The following WDR7 variants were observed in gnomAD, a reference collection of about 807,000 sequenced individuals.
WDR7 encodes the protein WD repeat-containing protein 7.
A neutral mutation model predicts 169.4 loss-of-function variants in WDR7; 46 were observed. The ratio of observed to expected loss-of-function variants is 0.27; its 90% CI spans 0.21 to 0.35. WDR7 has a LOEUF of 0.35. WDR7 is among the 10% of genes least tolerant of loss of function. The probability of loss-of-function intolerance (pLI) is 1.00; values close to 1 mark genes in which losing one functional copy is unlikely to be tolerated. For missense variants in WDR7, 1,534 were observed against 1,859.3 expected, an observed-to-expected ratio of 0.83 and a Z score of 3.22; for synonymous variants, 612 against 666.8, an observed-to-expected ratio of 0.92 and a Z score of 1.27.
At chr18:57,016,108 G>A (rs982257936) in intron 26 of WDR7, among the ~76,000 whole-genome samples, 2 of 152,074 alleles carry the variant, frequency 1.3e-5, no homozygotes, top group African/African-American at 2.4e-5. Flanking sequence ...GACGTATTTC[G>A]GCTCAGCAGA....
intron 19 of WDR7, among the ~76,000 whole-genome samples, chr18:56,785,005 T>G (rs2145088660): frequency 6.6e-6 from 1 of 152,312 alleles, no homozygotes; most frequent in East Asian, 1.9e-4. Flanking sequence ...TAATCTTTTC[T>G]GGAACTTCTA....
At chr18:56,859,088 T>A (rs1360723737) in intron 20 of WDR7, among the ~76,000 whole-genome samples, 1 of 152,154 alleles carries the variant, frequency 6.6e-6, no homozygotes, top group African/African-American at 2.4e-5. Flanking sequence ...CTGAATGGAT[T>A]TAGGGACCTC....
chr18:56,785,110 C>T (rs1011811019), intron 19 of WDR7, among the ~76,000 whole-genome samples: 3 of 152,138 alleles, frequency 2.0e-5, no homozygotes, highest in East Asian at 1.9e-4. Flanking sequence ...GGATTCTGAA[C>T]GTATGAAAGG....
Position 56,866,343 on chromosome 18 carries a change from G to GT in WDR7, c.3305-13592dup, listed in dbSNP as rs200075690. Among the ~76,000 whole-genome samples, 539 of 148,256 alleles carry GT rather than the reference G, an allele frequency of 3.6e-3. 6 individuals are homozygous for GT. The highest frequency in any genetic ancestry group is 0.012 in the African/African-American group (475 of 40,492). On this transcript the variant is annotated intron_variant, in intron 20 of 27. Coordinates refer to ENST00000254442, the MANE Select transcript of WDR7 (RefSeq NM_015285.3). ...TTTTTTAAATCTTAATAGTTTTTCT[G>GT]TTTTTTTTTAATGAATCTGGAAAGT...
rs1015168035 is a variant in WDR7 at position 56,751,412 on chromosome 18, A to G, written c.1990-5171A>G. Among the ~76,000 whole-genome samples, 17 of 152,280 alleles carry G rather than the reference A, an allele frequency of 1.1e-4. 2 individuals are homozygous for G. Among genetic ancestry groups the G allele is most frequent in the African/African-American group, 3.9e-4 (16 of 41,552 alleles). Reference sequence around the variant, plus strand: ...ATAATTTCTTTACCAAGCATGTTTGATTTTATATTCTTTGGTAGTAATGGT... The same window carrying G: ...ATAATTTCTTTACCAAGCATGTTTGGTTTTATATTCTTTGGTAGTAATGGT... On this transcript the variant is annotated intron_variant, in intron 14 of 27. Transcript: ENST00000254442.
At chr18:56,711,564 A>G (rs950538660) in intron 12 of WDR7, among the ~76,000 whole-genome samples, 1 of 152,120 alleles carries the variant, frequency 6.6e-6, no homozygotes, top group Admixed American at 6.6e-5. Context: ...TATACAGTGA[A>G]TAAAGGAAGA....
At chr18:57,010,244 A>G (rs889856288) in intron 26 of WDR7, 1 of 985,340 alleles carries the variant, frequency 1.0e-6, no homozygotes, top group Non-Finnish European at 1.2e-6. Context: ...TCTGAAGAAA[A>G]CATTTTGTGT....
In WDR7 at chr18:56,818,209, A is replaced by G. The variant is rs76436850; in HGVS notation, c.3304+2065A>G. Among the ~76,000 whole-genome samples, 860 of 152,368 alleles carry G rather than the reference A, an allele frequency of 5.6e-3. 7 individuals carry two copies. Among genetic ancestry groups the G allele is most frequent in the African/African-American group, 0.02 (816 of 41,588 alleles). On this transcript the variant is annotated intron_variant, in intron 20 of 27. Coordinates refer to ENST00000254442, the MANE Select transcript of WDR7 (RefSeq NM_015285.3). ...TAGCAAAAATAAATTTGCCTTTGCA[A>G]TAGTAGAATAACTCAATTTGCATTC...
At chr18:56,886,822 G>T (rs1254190649) in intron 21 of WDR7, among the ~76,000 whole-genome samples, 1 of 152,004 alleles carries the variant, frequency 6.6e-6, no homozygotes, top group Admixed American at 6.5e-5. Flanking sequence ...TCAAAAATAA[G>T]CAGAAATAGC....
chr18:56,880,784 C>G (rs894877677), intron 21 of WDR7, among the ~76,000 whole-genome samples: 9 of 152,110 alleles, frequency 5.9e-5, no homozygotes, highest in Non-Finnish European at 1.3e-4. Flanking sequence ...ATTCAAAGGG[C>G]TGTGTCATTC....
intron 20 of WDR7, among the ~76,000 whole-genome samples, chr18:56,847,550 T>C (rs1469919915): frequency 6.6e-6 from 1 of 152,112 alleles, no homozygotes; most frequent in Non-Finnish European, 1.5e-5. Context: ...AGTGCTAATA[T>C]CCAAGACAAT....
At chr18:56,689,775 A>G (rs982094702) in intron 7 of WDR7, among the ~76,000 whole-genome samples, 2 of 151,834 alleles carry the variant, frequency 1.3e-5, no homozygotes, top group Non-Finnish European at 1.5e-5. Flanking sequence ...TTGTCTGCCC[A>G]TTCATGAATT....
intron 20 of WDR7, among the ~76,000 whole-genome samples, chr18:56,865,355 G>A (rs1225231981): frequency 6.6e-6 from 1 of 152,084 alleles, no homozygotes. Flanking sequence ...GATTTCATTG[G>A]TGTGGATTTA....
intron 21 of WDR7, among the ~76,000 whole-genome samples, chr18:56,923,262 T>C (rs1197420362): frequency 1.3e-5 from 2 of 152,206 alleles, no homozygotes; most frequent in African/African-American, 4.8e-5. Context: ...GTCAGCATCA[T>C]CGTCAACATA....
At position 56,695,075 on chromosome 18, in the gene WDR7, A is replaced by G; in HGVS notation, c.1234A>G (p.Ser412Gly). The change falls in exon 11 of 28, where the codon AGT becomes GGT. Residue 412 changes from serine (S) to glycine (G), a missense_variant. Transcript: ENST00000254442. ...NSNEPLKVTA[S>G]VYIPAHGRLV... ...TAATGAACCTCTTAAAGTAACTGCAAGTGTGTACATACCAGCACATGGACG... is the reference window on the plus strand; with the variant it reads ...TAATGAACCTCTTAAAGTAACTGCAGGTGTGTACATACCAGCACATGGACG... 6.2e-7 allele frequency: 1 copy of G among 1,614,174 alleles called. No individual in the cohort carries two copies. Among genetic ancestry groups the G allele is most frequent in the Non-Finnish European group, 8.5e-7 (1 of 1,180,026 alleles).
chr18:56,730,810 G>T (rs2144803204), intron 13 of WDR7, among the ~76,000 whole-genome samples: 1 of 152,042 alleles, frequency 6.6e-6, no homozygotes, highest in South Asian at 2.1e-4. Flanking sequence ...AAGTAAAGTA[G>T]TTGTAAGTAG....
chr18:56,801,273 G>A (rs771198038), intron 19 of WDR7, among the ~76,000 whole-genome samples: 3 of 152,056 alleles, frequency 2.0e-5, no homozygotes, highest in Non-Finnish European at 4.4e-5. Context: ...GTGTAGTATT[G>A]TGTATAGTTA....
Position 56,691,731 on chromosome 18 carries a change from G to A in WDR7, c.880G>A (p.Asp294Asn), listed in dbSNP as rs2025575103. Reference sequence around the variant, plus strand: ...CATATTCAGTTGCCTTCCAGCTAGTGATTCATTCCGCAGTGATGTGGGGAA... The same window carrying A: ...CATATTCAGTTGCCTTCCAGCTAGTAATTCATTCCGCAGTGATGTGGGGAA... ...KLPASCLPAS[D>N]SFRSDVGKAV... Residue 294 changes from aspartate (D) to asparagine (N), a missense_variant, in exon 9 of 28, where the codon GAT becomes AAT. Transcript: ENST00000254442. 6.2e-7 allele frequency: 1 copy of A among 1,609,904 alleles called. No individual in the cohort carries two copies. The highest frequency in any genetic ancestry group is 8.5e-7 in the Non-Finnish European group (1 of 1,178,898).
intron 14 of WDR7, among the ~76,000 whole-genome samples, chr18:56,737,216 T>C (rs2026719771): frequency 6.6e-6 from 1 of 152,226 alleles, no homozygotes; most frequent in Non-Finnish European, 1.5e-5. Flanking sequence ...TTGCACATGA[T>C]GATATTTGGC....
Sources: allele counts gnomAD v4.1 joint callset (sites outside exome capture counted in the v4.1 genomes callset), GRCh38; gene constraint gnomAD v4.1.1; transcripts MANE v1.5; gene names NCBI Gene and HGNC (gene_info 2026-07-23, HGNC 2026-07-21).